Variants in PDE4D observed in about 807,000 individuals in gnomAD.
The protein encoded by PDE4D is 3',5'-cyclic-AMP phosphodiesterase 4D.
A neutral mutation model predicts 87.4 loss-of-function variants in PDE4D; 24 were observed. The ratio of observed to expected loss-of-function variants is 0.27; its 90% CI spans 0.20 to 0.39. The LOEUF is 0.39. PDE4D is among the 10% of genes least tolerant of loss of function. The pLI, the probability that PDE4D is intolerant of heterozygous loss-of-function variation, is 1.00. For missense variants in PDE4D, 714 were observed against 1,041.0 expected (o/e 0.69, Z 4.32); for synonymous variants, 384 against 383.2 (o/e 1.00, Z -0.02).
In PDE4D at chr5:60,370,063, G is replaced by A. The variant is rs113082449; in HGVS notation, c.-90+117879C>T. ...GTCCTAAATTAGAGAACCCCTGCAG[G>A]ATTTATCACAGAGAGAAAACCTAGC... On this transcript the variant is annotated intron_variant, in intron 1 of 16. Transcript: ENST00000502484. Among the ~76,000 whole-genome samples, 4 of 152,172 alleles carry A rather than the reference G, an allele frequency of 2.6e-5. 1 individual carries two copies. The highest frequency in any genetic ancestry group is 9.6e-5 in the African/African-American group (4 of 41,522).
chr5:58,976,704 T>G lies in PDE4D; in HGVS notation c.1708-232A>C, dbSNP rs28430615. On this transcript the variant is annotated intron_variant, in intron 12 of 14. Coordinates refer to ENST00000340635, the MANE Select transcript of PDE4D (RefSeq NM_001104631.2). ...GAAATGCTAGGCACTGACAACCACTTTCATGGTGAAAAATGGGTGACATCT... is the reference window on the plus strand; with the variant it reads ...GAAATGCTAGGCACTGACAACCACTGTCATGGTGAAAAATGGGTGACATCT... 0.017 allele frequency among the ~76,000 whole-genome samples: 2,654 copies of G among 152,256 alleles called. 41 individuals are homozygous for G. The highest frequency in any genetic ancestry group is 0.026 in the Non-Finnish European group (1,767 of 68,024).
intron 2 of PDE4D, among the ~76,000 whole-genome samples, chr5:60,107,812 T>C (rs961076644): frequency 6.6e-6 from 1 of 152,184 alleles, no homozygotes; most frequent in Non-Finnish European, 1.5e-5. Context: ...TCAACAGCCC[T>C]TCATGCTAAA....
intron 1 of PDE4D, among the ~76,000 whole-genome samples, chr5:59,643,665 T>C (rs1356506257): frequency 6.6e-6 from 1 of 152,258 alleles, no homozygotes; most frequent in Non-Finnish European, 1.5e-5. Context: ...TAGCTCTTTG[T>C]GTAAGCACGG....
chr5:59,536,404 C>G (rs919248334), intron 1 of PDE4D, among the ~76,000 whole-genome samples: 4 of 144,102 alleles, frequency 2.8e-5, no homozygotes, highest in African/African-American at 5.2e-5. Flanking sequence ...ACTCGGGAGG[C>G]TGAGGCAAGA....
chr5:59,960,681 G>T (rs1342564844), intron 3 of PDE4D, among the ~76,000 whole-genome samples: 1 of 151,924 alleles, frequency 6.6e-6, no homozygotes, highest in Admixed American at 6.6e-5. Context: ...ATAACGATGG[G>T]AACAGTGACA....
At chr5:59,114,902 AATG>A (rs10554068) in intron 5 of PDE4D, among the ~76,000 whole-genome samples, 14,406 of 151,802 alleles carry the variant, frequency 0.095, 2,268 homozygotes, top group African/African-American at 0.33. Flanking sequence ...AGAAAAAGAA[AATG>A]ATAAGTGTAA....
At chr5:60,233,717 G>A (rs1004926779) in intron 1 of PDE4D, among the ~76,000 whole-genome samples, 1 of 151,670 alleles carries the variant, frequency 6.6e-6, no homozygotes, top group Non-Finnish European at 1.5e-5. Flanking sequence ...GCCACATACT[G>A]TTTTAAATGC....
chr5:59,901,548 A>G (rs981746627), intron 3 of PDE4D, among the ~76,000 whole-genome samples: 2 of 152,200 alleles, frequency 1.3e-5, no homozygotes, highest in African/African-American at 4.8e-5. Context: ...TAACTCTCAA[A>G]GGACTATTTC....
chr5:59,681,703 G>C (rs547351080), intron 1 of PDE4D, among the ~76,000 whole-genome samples: 1 of 151,764 alleles, frequency 6.6e-6, no homozygotes, highest in African/African-American at 2.4e-5. Context: ...GATGGAGACC[G>C]TCCTGGCTAA....
At chr5:59,713,911 G>A (rs1475145332) in intron 1 of PDE4D, among the ~76,000 whole-genome samples, 1 of 152,206 alleles carries the variant, frequency 6.6e-6, no homozygotes, top group African/African-American at 2.4e-5. Context: ...GGTGCCTGGA[G>A]GCCCAGCTAC....
intron 5 of PDE4D, among the ~76,000 whole-genome samples, chr5:59,127,437 C>T (rs1269078934): frequency 6.6e-6 from 1 of 151,992 alleles, no homozygotes; most frequent in African/African-American, 2.4e-5. Flanking sequence ...TTCTTCTTCC[C>T]CCACCTCCCC....
In PDE4D at chr5:60,246,847, T is replaced by C. The variant is rs142783418; in HGVS notation, c.-89-61160A>G. Reference sequence around the variant, plus strand: ...TAGAAGATATTTATGTTTAGGAATCTTGTGAAACTTGGTTGAATGGTATCT... The same window carrying C: ...TAGAAGATATTTATGTTTAGGAATCCTGTGAAACTTGGTTGAATGGTATCT... On this transcript the variant is annotated intron_variant, in intron 1 of 16. Transcript: ENST00000502484. Among the ~76,000 whole-genome samples, 154 of 152,100 alleles carry C rather than the reference T, an allele frequency of 1.0e-3. 4 individuals carry two copies. In the East Asian group the frequency reaches 0.026, roughly 25 times the overall value.
At chr5:59,000,210 A>C (rs1750203014) in intron 6 of PDE4D, among the ~76,000 whole-genome samples, 1 of 152,130 alleles carries the variant, frequency 6.6e-6, no homozygotes, top group African/African-American at 2.4e-5. Context: ...ACTCCTCAAA[A>C]TTCGTAGTTC....
chr5:59,226,730 G>A (rs1158764815), intron 1 of PDE4D, among the ~76,000 whole-genome samples: 1 of 152,096 alleles, frequency 6.6e-6, no homozygotes, highest in Non-Finnish European at 1.5e-5. Context: ...GACTCTTGAG[G>A]CAAAGCCTGC....
At chr5:58,990,926 T>G in intron 8 of PDE4D, 24 bp from the exon 9 acceptor site, 2 of 1,158,128 alleles carry the variant, frequency 1.7e-6, no homozygotes, top group South Asian at 1.4e-5. Context: ...AAAAAAAAGA[T>G]ACTAAAATAT....
chr5:59,075,565 T>C lies in PDE4D; in HGVS notation c.809-36594A>G, dbSNP rs150479140. On this transcript the variant is annotated intron_variant, in intron 5 of 14. Transcript: ENST00000340635. ...TATCCAAAAAATAGGTATTTATTAA[T>C]ATACTGCATTTCTTTTAAATAAAAT... Among the ~76,000 whole-genome samples the C allele has an allele frequency of 3.7e-3, 556 of 152,248 alleles. 11 individuals carry two copies. The East Asian group carries it at 0.061, about 17-fold the overall frequency.
intron 1 of PDE4D, among the ~76,000 whole-genome samples, chr5:59,888,157 C>A (rs1191352721): frequency 1.3e-5 from 2 of 152,190 alleles, no homozygotes; most frequent in Non-Finnish European, 2.9e-5. Flanking sequence ...TGGTCAATTA[C>A]CTATTTTCAT....
chr5:59,009,932 A>G (rs1278772459), intron 6 of PDE4D, among the ~76,000 whole-genome samples: 1 of 152,192 alleles, frequency 6.6e-6, no homozygotes, highest in Non-Finnish European at 1.5e-5. Context: ...TTACCCTTTC[A>G]AAGAGCTCCA....
chr5:59,035,473 A>C (rs1339529289), intron 6 of PDE4D, among the ~76,000 whole-genome samples: 2 of 152,244 alleles, frequency 1.3e-5, no homozygotes, highest in Admixed American at 6.5e-5. Flanking sequence ...TATAAATTAC[A>C]ACCGAATGGT....
Sources: allele counts gnomAD v4.1 joint callset (sites outside exome capture counted in the v4.1 genomes callset), GRCh38; gene constraint gnomAD v4.1.1; transcripts MANE v1.5; gene names NCBI Gene and HGNC (gene_info 2026-07-23, HGNC 2026-07-21).